EEIG1: variants seen among roughly 807,000 people sequenced by gnomAD.
EEIG1 encodes early estrogen-induced gene 1 protein.
At chr9:127,953,736 G>A in the EEIG1 span, 3 of 1,612,618 alleles carry the variant, frequency 1.9e-6, no homozygotes, top group African/African-American at 1.3e-5. Flanking sequence ...TTTCAGCTGG[G>A]GGTGCGGACT....
chr9:127,948,034 G>A, the EEIG1 span: 657 of 1,587,060 alleles, frequency 4.1e-4, no homozygotes, highest in Non-Finnish European at 4.5e-4. Context: ...CCCTCGGGCC[G>A]CTAGCAGGGG....
the EEIG1 span, among the ~76,000 whole-genome samples, chr9:127,952,513 A>ATAC: frequency 1.8e-4 from 28 of 152,218 alleles, no homozygotes; most frequent in African/African-American, 6.0e-4. Context: ...AAAGCTCTTA[A>ATAC]TACTATGTAG....
chr9:127,945,830 C>A, the EEIG1 span: 3 of 998,256 alleles, frequency 3.0e-6, no homozygotes, highest in South Asian at 1.4e-5. The surrounding 1 kb of genome is among the most constrained non-coding windows in gnomAD (Gnocchi z 6.5). Context: ...TCACAACGTG[C>A]CCTCACAGAG....
chr9:127,979,492 T>G, the EEIG1 span, among the ~76,000 whole-genome samples: 2 of 152,190 alleles, frequency 1.3e-5, no homozygotes, highest in Admixed American at 6.5e-5. Context: ...CAGAGGAGGA[T>G]AGTCACTCGG....
the EEIG1 span, among the ~76,000 whole-genome samples, chr9:127,964,436 G>A: frequency 1.3e-5 from 2 of 152,214 alleles, no homozygotes; most frequent in African/African-American, 4.8e-5. Context: ...GCCAGGTGCC[G>A]TAGGGCTGTG....
At chr9:127,950,543 G>A in the EEIG1 span, 4 of 1,613,556 alleles carry the variant, frequency 2.5e-6, no homozygotes, top group Non-Finnish European at 3.4e-6. Context: ...AGCCCAGCTA[G>A]GAGGTGAGAG....
At chr9:127,954,819 C>A in the EEIG1 span, among the ~76,000 whole-genome samples, 1 of 152,148 alleles carries the variant, frequency 6.6e-6, no homozygotes, top group Non-Finnish European at 1.5e-5. Context: ...GGTCTTCTAG[C>A]CCCCCGGTTC....
the EEIG1 span, among the ~76,000 whole-genome samples, chr9:127,946,238 G>A: frequency 1.3e-5 from 2 of 152,242 alleles, no homozygotes; most frequent in African/African-American, 4.8e-5. Flanking sequence ...AAGGGGCCTG[G>A]GTCAGCGGAG....
At chr9:127,979,994 T>TGACGACAAGCC in the EEIG1 span, 1 of 1,612,354 alleles carries the variant, frequency 6.2e-7, no homozygotes, top group Middle Eastern at 1.7e-4. Flanking sequence ...GCTCCTACCT[T>TGACGACAAGCC]GACGACAAGC....
the EEIG1 span, among the ~76,000 whole-genome samples, chr9:127,946,878 G>A: frequency 5.9e-5 from 9 of 152,154 alleles, no homozygotes; most frequent in African/African-American, 2.2e-4. Context: ...TGATTCTGTG[G>A]GACAAATCAG....
At chr9:127,957,030 G>A in the EEIG1 span, among the ~76,000 whole-genome samples, 16 of 152,182 alleles carry the variant, frequency 1.1e-4, no homozygotes, top group African/African-American at 3.9e-4. Context: ...ATGATTACAG[G>A]TGTGGTGGCT....
At chr9:127,964,177 CA>C in the EEIG1 span, among the ~76,000 whole-genome samples, 2 of 152,198 alleles carry the variant, frequency 1.3e-5, no homozygotes, top group Admixed American at 6.5e-5. Context: ...TCAACTTCCT[CA>C]TCTGTAAAAG....
chr9:127,945,784 T>C, the EEIG1 span: 1 of 1,425,886 alleles, frequency 7.0e-7, no homozygotes, highest in Non-Finnish European at 9.7e-7. This position sits in a 1 kb window ranked among gnomAD's most constrained non-coding sequence, Gnocchi z 6.5. Flanking sequence ...GGGGGTGAGG[T>C]GACAGGGGTC....
the EEIG1 span, chr9:127,948,046 G>T: frequency 6.3e-7 from 1 of 1,598,416 alleles, no homozygotes. Context: ...TAGCAGGGGA[G>T]GGGCGGACAG....
chr9:127,962,133 G>C, the EEIG1 span, among the ~76,000 whole-genome samples: 1 of 152,204 alleles, frequency 6.6e-6, no homozygotes, highest in African/African-American at 2.4e-5. Flanking sequence ...GGCCCCATCA[G>C]ACCTGCAGGA....
the EEIG1 span, among the ~76,000 whole-genome samples, chr9:127,964,102 G>A: frequency 6.6e-6 from 1 of 152,158 alleles, no homozygotes; most frequent in African/African-American, 2.4e-5. Context: ...AAAGCCGGGG[G>A]GTGGATGAGG....
At chr9:127,948,291 C>T in the EEIG1 span, 2 of 1,611,120 alleles carry the variant, frequency 1.2e-6, no homozygotes, top group Admixed American at 1.7e-5. Flanking sequence ...CAGAGGACAC[C>T]CAGAGTCCCT....
chr9:127,953,712 G>A, the EEIG1 span: 5 of 1,608,386 alleles, frequency 3.1e-6, no homozygotes, highest in Non-Finnish European at 4.3e-6. Flanking sequence ...AACGGGCAGA[G>A]CAACTCACCC....
chr9:127,954,202 A>G, the EEIG1 span, among the ~76,000 whole-genome samples: 1 of 152,360 alleles, frequency 6.6e-6, no homozygotes, highest in African/African-American at 2.4e-5. Flanking sequence ...GGCAACCTGC[A>G]GAGCCTCCCT....
Sources: allele counts gnomAD v4.1 joint callset (sites outside exome capture counted in the v4.1 genomes callset), GRCh38; gene constraint gnomAD v4.1.1; non-coding constraint Gnocchi (gnomAD v3.1); transcripts MANE v1.5; gene names NCBI Gene and HGNC (gene_info 2026-07-23, HGNC 2026-07-21).